The following NNT variants were observed in gnomAD, a reference collection of about 807,000 sequenced individuals.
NNT encodes the protein nicotinamide nucleotide transhydrogenase, also known as NAD(P) transhydrogenase, mitochondrial.
Under a neutral mutation model 104.8 loss-of-function variants are expected in NNT, and 50 were observed. The ratio of observed to expected loss-of-function variants is 0.48; its 90% CI spans 0.38 to 0.60. The LOEUF (loss-of-function observed/expected upper bound fraction) is 0.60, where lower values mean the gene tolerates loss of function less well. NNT is among the 20% of genes least tolerant of loss of function. The pLI is 0.00. For synonymous variants in NNT, 461 were observed against 490.4 expected (o/e 0.94, Z 0.79); for missense variants, 1,131 against 1,330.7 (o/e 0.85, Z 2.33).
chr5:43,625,260 G>A (rs910664111), intron 6 of NNT, among the ~76,000 whole-genome samples: 6 of 152,038 alleles, frequency 3.9e-5, no homozygotes, highest in East Asian at 1.9e-4. Flanking sequence ...ACTTGGTGGT[G>A]GGTGAACTAC....
chr5:43,685,174 T>A (rs1741918016), intron 19 of NNT, among the ~76,000 whole-genome samples: 1 of 152,230 alleles, frequency 6.6e-6, no homozygotes, highest in Non-Finnish European at 1.5e-5. Context: ...TTTATAGTTT[T>A]AAAACAGGAG....
At chr5:43,605,289 G>T (rs1235104612) in intron 1 of NNT, among the ~76,000 whole-genome samples, 2 of 151,772 alleles carry the variant, frequency 1.3e-5, no homozygotes, top group African/African-American at 4.8e-5. Context: ...GGCCGAGGCG[G>T]GTGGATCATG....
chr5:43,649,377 A>C, intron 11 of NNT, 69 bp downstream of exon 11: 1 of 1,534,788 alleles, frequency 6.5e-7, no homozygotes, highest in Non-Finnish European at 8.9e-7. Context: ...GAGGACTATC[A>C]ATGCCGTTTA....
intron 16 of NNT, among the ~76,000 whole-genome samples, chr5:43,657,236 C>G (rs144313867): frequency 6.6e-6 from 1 of 152,096 alleles, no homozygotes; most frequent in African/African-American, 2.4e-5. Flanking sequence ...AGATATGACA[C>G]GAAATCAAAT....
At chr5:43,645,148 A>G (rs1370343475) in intron 9 of NNT, among the ~76,000 whole-genome samples, 4 of 152,188 alleles carry the variant, frequency 2.6e-5, no homozygotes, top group Admixed American at 6.5e-5. Flanking sequence ...CAAATTACAT[A>G]TATATGATTG....
intron 7 of NNT, among the ~76,000 whole-genome samples, chr5:43,630,986 C>T (rs1036895429): frequency 1.3e-5 from 2 of 152,154 alleles, no homozygotes; most frequent in Non-Finnish European, 2.9e-5. Flanking sequence ...AACAAAAAAC[C>T]TGGCTAATAT....
rs557363958 is a variant in NNT at position 43,695,225 on chromosome 5, A to G, written c.2877-4894A>G. On this transcript the variant is annotated intron_variant, in intron 19 of 21. Coordinates refer to ENST00000344920, the MANE Select transcript of NNT (RefSeq NM_182977.3). ...TTTCTCACTTGTCTGGGCAAAATAA[A>G]TCACCATCTATAGCTCTTTTCAGGT... Among the ~76,000 whole-genome samples the G allele has an allele frequency of 5.4e-4, 83 of 152,360 alleles. 1 individual carries two copies. The highest frequency in any genetic ancestry group is 9.6e-4 in the East Asian group (5 of 5,184).
Position 43,704,668 on chromosome 5 carries a change from A to G in NNT, c.*264A>G, listed in dbSNP as rs1191606833. The G allele has an allele frequency of 8.6e-6, 3 of 349,016 alleles. No individual in the cohort carries two copies. Among genetic ancestry groups the G allele is most frequent in the African/African-American group, 2.2e-5 (1 of 45,456 alleles). The allele number at this position is 349,016 out of a possible 1,614,324, so 21.6% of individuals were successfully genotyped here. A position where few individuals can be genotyped will look rare whatever the true frequency, so the allele number is the denominator to read the frequency against. On this transcript the variant is annotated 3_prime_UTR_variant, in exon 22 of 22. Transcript: ENST00000344920. ...TCAAAAGTATTTTATAAAAGGAGAA[A>G]GAACAGCCTCATTTTAGATGTAGTC...
At chr5:43,650,155 C>G (rs968080483) in intron 11 of NNT, among the ~76,000 whole-genome samples, 1 of 152,042 alleles carries the variant, frequency 6.6e-6, no homozygotes, top group Non-Finnish European at 1.5e-5. Flanking sequence ...GTCTATAACA[C>G]TGGTGGATTT....
intron 19 of NNT, among the ~76,000 whole-genome samples, chr5:43,690,021 T>TA (rs1742182632): frequency 6.6e-6 from 1 of 152,038 alleles, no homozygotes; most frequent in East Asian, 1.9e-4. Flanking sequence ...GGAACTATAT[T>TA]AAACATCTAA....
chr5:43,611,110 C>T (rs866537585), intron 2 of NNT, among the ~76,000 whole-genome samples: 31 of 145,468 alleles, frequency 2.1e-4, no homozygotes, highest in Middle Eastern at 3.6e-3. Flanking sequence ...CTCCCTCCCT[C>T]CCTCTTTTTC....
chr5:43,696,093 G>T (rs1742542823), intron 19 of NNT, among the ~76,000 whole-genome samples: 1 of 151,996 alleles, frequency 6.6e-6, no homozygotes, highest in Admixed American at 6.6e-5. Flanking sequence ...ACTCATTTCA[G>T]CATTAACTCA....
chr5:43,663,813 G>T (rs1056275839), intron 17 of NNT, among the ~76,000 whole-genome samples: 1 of 152,146 alleles, frequency 6.6e-6, no homozygotes, highest in Non-Finnish European at 1.5e-5. Flanking sequence ...ATTCACCTTT[G>T]TGTTTGTGGA....
intron 1 of NNT, among the ~76,000 whole-genome samples, chr5:43,608,406 C>T (rs1313434424): frequency 6.6e-6 from 1 of 152,134 alleles, no homozygotes; most frequent in Non-Finnish European, 1.5e-5. Context: ...GGTGAGAACT[C>T]GCAAAAAGTG....
chr5:43,690,904 A>G (rs1406466630), intron 19 of NNT, among the ~76,000 whole-genome samples: 2 of 152,240 alleles, frequency 1.3e-5, no homozygotes, highest in Non-Finnish European at 2.9e-5. Context: ...AATTGTTAAC[A>G]AAAAGCTTTT....
chr5:43,615,782 C>T, intron 3 of NNT, 66 bp from the exon 4 acceptor site: 1 of 1,200,782 alleles, frequency 8.3e-7, no homozygotes. Context: ...TCTAAGTTTT[C>T]CTGTTTGCTT....
At chr5:43,694,524 T>C (rs1023809516) in intron 19 of NNT, among the ~76,000 whole-genome samples, 1 of 152,214 alleles carries the variant, frequency 6.6e-6, no homozygotes, top group African/African-American at 2.4e-5. Flanking sequence ...ATTTTCTGCA[T>C]CTATTGAGAT....
At position 43,700,337 on chromosome 5, in the gene NNT, T is replaced by A. The variant is rs1742785015; in HGVS notation, c.2995+100T>A. On this transcript the variant is annotated intron_variant, in intron 20 of 21. Transcript: ENST00000344920. ...TGTAGATTCAGTGAAGACTGACTAG[T>A]CAGATGAAAAAGAACTTGTACATGG... 4 of 761,100 alleles carry A rather than the reference T, an allele frequency of 5.3e-6. No individual in the cohort carries two copies. In the South Asian group the frequency reaches 8.2e-5, roughly 16 times the overall value. The allele number at this position is 761,100 out of a possible 1,614,324, so 47.1% of individuals were successfully genotyped here. A position where few individuals can be genotyped will look rare whatever the true frequency, so the allele number is the denominator to read the frequency against.
intron 1 of NNT, among the ~76,000 whole-genome samples, chr5:43,608,244 A>G (rs1749329175): frequency 6.6e-6 from 1 of 152,184 alleles, no homozygotes; most frequent in South Asian, 2.1e-4. Flanking sequence ...CCATTCTTGA[A>G]AGAAAGAAGA....
Sources: gnomAD v4.1 joint callset for allele counts (sites outside exome capture counted in the v4.1 genomes callset) on GRCh38, gnomAD v4.1.1 for gene constraint, MANE v1.5 for transcripts, NCBI Gene and HGNC (gene_info 2026-07-23, HGNC 2026-07-21) for gene names.